TMEM108: variants seen among roughly 807,000 people sequenced by gnomAD.
The protein encoded by TMEM108 is cancer/testis antigen 124.
TMEM108 carries 12 observed loss-of-function variants against 35.1 expected under a neutral mutation model. That is an observed-to-expected ratio of 0.34 (90% CI 0.22 to 0.55). The LOEUF (loss-of-function observed/expected upper bound fraction) is 0.55, where lower values mean the gene tolerates loss of function less well. Among genes scored for constraint, TMEM108 ranks in the 20% least tolerant of loss-of-function variants. The probability of loss-of-function intolerance (pLI) is 0.89; values close to 1 mark genes in which losing one functional copy is unlikely to be tolerated. For synonymous variants in TMEM108, 287 were observed against 308.6 expected (o/e 0.93, Z 0.73); for missense variants, 680 against 753.3 (o/e 0.90, Z 1.14).
chr3:133,392,674 A>C (rs1619552), intron 5 of TMEM108, among the ~76,000 whole-genome samples: 54,976 of 151,880 alleles, frequency 0.36, 10,818 homozygotes, highest in Non-Finnish European at 0.44. Context: ...CAAACCTCAC[A>C]TGCAGCTCCT....
intron 3 of TMEM108, among the ~76,000 whole-genome samples, chr3:133,240,216 T>G (rs1303804466): frequency 6.6e-6 from 1 of 152,182 alleles, no homozygotes; most frequent in Non-Finnish European, 1.5e-5. Flanking sequence ...AATAGATCTC[T>G]TTACTTCTGA....
At chr3:133,311,608 T>TCATCTAAC (rs1472598041) in intron 3 of TMEM108, among the ~76,000 whole-genome samples, 2 of 152,200 alleles carry the variant, frequency 1.3e-5, no homozygotes, top group African/African-American at 4.8e-5. Context: ...AGTTAGCCAT[T>TCATCTAAC]CATCTAACCT....
intron 2 of TMEM108, among the ~76,000 whole-genome samples, chr3:133,150,144 T>C (rs1022092587): frequency 1.3e-5 from 2 of 152,110 alleles, no homozygotes; most frequent in Non-Finnish European, 2.9e-5. Flanking sequence ...ACCTTCACCA[T>C]CACTTGTTAT....
intron 3 of TMEM108, among the ~76,000 whole-genome samples, chr3:133,289,211 T>A (rs1419896835): frequency 1.3e-5 from 2 of 152,174 alleles, no homozygotes; most frequent in Non-Finnish European, 2.9e-5. Flanking sequence ...CATCATTTTA[T>A]CCTGCACACT....
Position 133,073,506 on chromosome 3 carries a change from C to CTA in TMEM108, c.-47+27487_-47+27488insAT, listed in dbSNP as rs1235632663. Among the ~76,000 whole-genome samples, 769 of 78,854 alleles carry CTA rather than the reference C, an allele frequency of 9.8e-3. 2 individuals are homozygous for CTA. Among genetic ancestry groups the CTA allele is most frequent in the Non-Finnish European group, 0.014 (572 of 41,392 alleles). The allele number at this position is 78,854 out of a possible 152,430, so 51.7% of individuals were successfully genotyped here. On this transcript the variant is annotated intron_variant, in intron 2 of 5. Coordinates refer to ENST00000321871, the MANE Select transcript of TMEM108 (RefSeq NM_023943.4). Reference sequence around the variant, plus strand: ...CTATTCTCTCTCTCTCTCTCTCTCTCTCTCTATATATATATATATATATAT... The same window carrying CTA: ...CTATTCTCTCTCTCTCTCTCTCTCTCTATCTCTATATATATATATATATATAT...
At chr3:133,387,264 T>G in intron 4 of TMEM108, 1 of 985,472 alleles carries the variant, frequency 1.0e-6, no homozygotes, top group South Asian at 4.7e-5. Flanking sequence ...TACAAGCCTA[T>G]GAAGTTCATC....
At chr3:133,304,728 A>G (rs1947277579) in intron 3 of TMEM108, among the ~76,000 whole-genome samples, 1 of 152,070 alleles carries the variant, frequency 6.6e-6, no homozygotes. Flanking sequence ...ATACGCCACA[A>G]TTTGTTCACC....
intron 2 of TMEM108, among the ~76,000 whole-genome samples, chr3:133,180,222 G>A (rs1331020240): frequency 6.6e-6 from 1 of 152,052 alleles, no homozygotes; most frequent in Non-Finnish European, 1.5e-5. Context: ...AATTCAAAAT[G>A]TTCTGTGGGA....
At chr3:133,243,271 C>T (rs943289034) in intron 3 of TMEM108, among the ~76,000 whole-genome samples, 2 of 152,064 alleles carry the variant, frequency 1.3e-5, no homozygotes, top group Non-Finnish European at 2.9e-5. Context: ...CATGGGGTCA[C>T]ATCTAACCAG....
intron 2 of TMEM108, among the ~76,000 whole-genome samples, chr3:133,058,818 T>A (rs1172099736): frequency 1.3e-5 from 2 of 152,242 alleles, no homozygotes; most frequent in African/African-American, 4.8e-5. Flanking sequence ...GCCATGTGCT[T>A]CTCTTGTATT....
intron 2 of TMEM108, among the ~76,000 whole-genome samples, chr3:133,061,360 G>A (rs913178884): frequency 2.6e-5 from 4 of 151,890 alleles, no homozygotes; most frequent in Non-Finnish European, 5.9e-5. Flanking sequence ...ACAGGCGCCC[G>A]CCACCACACC....
intron 3 of TMEM108, among the ~76,000 whole-genome samples, chr3:133,366,913 C>G (rs2072515579): frequency 6.6e-6 from 1 of 152,210 alleles, no homozygotes; most frequent in South Asian, 2.1e-4. Context: ...AATGAGACAT[C>G]AGGTTTATTG....
In TMEM108 at chr3:133,380,553, G is replaced by A. The variant is rs375937690; in HGVS notation, c.842G>A (p.Arg281His). ...CCTGCAAAGGACAAGCCAGGCCTTC[G>A]CAGAGCAGCCCAGGGGGGTGGTTCT... ...LGPAKDKPGL[R>H]RAAQGGGSTF... is the part of the protein sequence containing the mutation. The change falls in exon 4 of 6, where the codon CGC becomes CAC. Residue 281 changes from arginine (R) to histidine (H), a missense_variant. Around this residue, in one of 3 missense-constraint regions of TMEM108, gnomAD observed 526 missense variants for 532.1 expected, o/e 0.99. Transcript: ENST00000321871. This position sits in a 1 kb window ranked among gnomAD's most constrained non-coding sequence, Gnocchi z 5.3. The A allele has an allele frequency of 2.9e-5, 46 of 1,613,846 alleles. No homozygotes were observed. Among genetic ancestry groups the A allele is most frequent in the East Asian group, 2.2e-4 (10 of 44,884 alleles).
At chr3:133,122,032 C>T (rs1170064774) in intron 2 of TMEM108, among the ~76,000 whole-genome samples, 1 of 152,114 alleles carries the variant, frequency 6.6e-6, no homozygotes, top group Non-Finnish European at 1.5e-5. Context: ...ACATTTGCAG[C>T]TTTCTGTATT....
intron 3 of TMEM108, among the ~76,000 whole-genome samples, chr3:133,297,946 C>T (rs1230020638): frequency 6.6e-6 from 1 of 152,150 alleles, no homozygotes; most frequent in African/African-American, 2.4e-5. Context: ...ACTTATTTCA[C>T]TAAATGTGCA....
At chr3:133,244,917 G>A (rs1946364287) in intron 3 of TMEM108, among the ~76,000 whole-genome samples, 1 of 152,164 alleles carries the variant, frequency 6.6e-6, no homozygotes, top group Admixed American at 6.5e-5. Context: ...ACCCTTTGAT[G>A]TTATATGAGA....
At chr3:133,090,671 T>G (rs1943937072) in intron 2 of TMEM108, among the ~76,000 whole-genome samples, 1 of 152,244 alleles carries the variant, frequency 6.6e-6, no homozygotes, top group South Asian at 2.1e-4. Flanking sequence ...TCCCATGCAG[T>G]CAGCATCCAC....
intron 2 of TMEM108, among the ~76,000 whole-genome samples, chr3:133,117,855 A>C (rs557138832): frequency 6.6e-6 from 1 of 152,322 alleles, no homozygotes; most frequent in Non-Finnish European, 1.5e-5. Flanking sequence ...TCTCTTGAAC[A>C]GTTCCCGTTG....
chr3:133,384,701 G>T (rs377144752), intron 4 of TMEM108, among the ~76,000 whole-genome samples: 4 of 152,186 alleles, frequency 2.6e-5, no homozygotes, highest in African/African-American at 9.7e-5. Flanking sequence ...CACGCCTGGC[G>T]CTGAATTGGT....
Sources: gnomAD v4.1 joint callset for allele counts (sites outside exome capture counted in the v4.1 genomes callset) on GRCh38, gnomAD v4.1.1 for gene constraint, gnomAD v4.1.1 regional missense constraint, Gnocchi (gnomAD v3.1) non-coding constraint, MANE v1.5 for transcripts, NCBI Gene and HGNC (gene_info 2026-07-23, HGNC 2026-07-21) for gene names.